FNDC3A: variants seen among roughly 807,000 people sequenced by gnomAD.
The protein encoded by FNDC3A is fibronectin type-III domain-containing protein 3A.
In FNDC3A, 32 loss-of-function variants were observed where a neutral mutation model predicts 148.9. That is an observed-to-expected ratio of 0.21 (90% CI 0.16 to 0.29). The LOEUF (loss-of-function observed/expected upper bound fraction) is 0.29, where lower values mean the gene tolerates loss of function less well. Among genes scored for constraint, FNDC3A ranks in the 10% least tolerant of loss-of-function variants. The pLI is 1.00. For missense variants in FNDC3A, 1,191 were observed against 1,452.8 expected (o/e 0.82, Z 2.93); for synonymous variants, 472 against 473.6 (o/e 1.00, Z 0.04).
At chr13:49,105,233 G>A (rs1013068179) in intron 3 of FNDC3A, among the ~76,000 whole-genome samples, 12 of 152,192 alleles carry the variant, frequency 7.9e-5, no homozygotes, top group Admixed American at 6.5e-5. Flanking sequence ...TCTTATACAT[G>A]CCTGGCTGGT....
intron 23 of FNDC3A, among the ~76,000 whole-genome samples, chr13:49,200,255 C>A (rs983061059): frequency 6.6e-6 from 1 of 152,106 alleles, no homozygotes; most frequent in African/African-American, 2.4e-5. Flanking sequence ...TTGTACATAA[C>A]CACTCTCTAT....
At chr13:49,094,307 T>G (rs557878332) in intron 3 of FNDC3A, among the ~76,000 whole-genome samples, 1 of 152,234 alleles carries the variant, frequency 6.6e-6, no homozygotes, top group South Asian at 2.1e-4. Context: ...CCTTTCTGAT[T>G]AACTGAAAAC....
At chr13:49,172,888 T>G (rs1884835509) in intron 11 of FNDC3A, among the ~76,000 whole-genome samples, 2 of 152,210 alleles carry the variant, frequency 1.3e-5, no homozygotes, top group Admixed American at 1.3e-4. Flanking sequence ...GTCTTTTGGC[T>G]TCCTTGGGCC....
intron 2 of FNDC3A, among the ~76,000 whole-genome samples, chr13:49,048,905 G>A (rs761959449): frequency 2.0e-5 from 3 of 152,078 alleles, no homozygotes; most frequent in Non-Finnish European, 2.9e-5. Flanking sequence ...GTTCTCAGGG[G>A]GAATGCTTTC....
chr13:49,001,097 T>A (rs1952116634), intron 1 of FNDC3A, among the ~76,000 whole-genome samples: 1 of 152,132 alleles, frequency 6.6e-6, no homozygotes, highest in African/African-American at 2.4e-5. Flanking sequence ...GGACCCCGAA[T>A]GGAGGGATCA....
intron 1 of FNDC3A, among the ~76,000 whole-genome samples, chr13:48,998,541 G>A (rs1242808878): frequency 1.3e-5 from 2 of 152,136 alleles, no homozygotes; most frequent in African/African-American, 4.8e-5. Flanking sequence ...ATTTCATTAT[G>A]AGTAAGCAAA....
chr13:49,074,889 C>A (rs3012131), intron 2 of FNDC3A, among the ~76,000 whole-genome samples: 151,624 of 152,294 alleles, frequency 1, 75,484 homozygotes, highest in Middle Eastern at 1. Flanking sequence ...AATATAACTT[C>A]AGATGTCATA....
At chr13:49,037,623 C>T (rs900322676) in intron 2 of FNDC3A, among the ~76,000 whole-genome samples, 1 of 152,214 alleles carries the variant, frequency 6.6e-6, no homozygotes, top group Non-Finnish European at 1.5e-5. Flanking sequence ...CCTTCAGTAT[C>T]TTCAGTACCT....
chr13:49,043,067 C>T (rs889788385), intron 2 of FNDC3A, among the ~76,000 whole-genome samples: 3 of 151,860 alleles, frequency 2.0e-5, no homozygotes, highest in East Asian at 3.9e-4. Flanking sequence ...AGAATCCTCC[C>T]ACCTCAGCCT....
chr13:49,196,795 A>C (rs1886177736), intron 19 of FNDC3A, 82 bp from the exon 20 acceptor site: 2 of 643,570 alleles, frequency 3.1e-6, no homozygotes, highest in South Asian at 4.8e-5. Context: ...TTTATTAATG[A>C]ATCTTTAAAT....
At chr13:49,152,103 T>A (rs1424453900) in intron 8 of FNDC3A, among the ~76,000 whole-genome samples, 3 of 152,192 alleles carry the variant, frequency 2.0e-5, no homozygotes, top group Non-Finnish European at 4.4e-5. Context: ...GTATTGGGCT[T>A]GCTGGGTGAA....
intron 1 of FNDC3A, among the ~76,000 whole-genome samples, chr13:48,999,093 G>T (rs892683160): frequency 6.6e-6 from 1 of 152,184 alleles, no homozygotes; most frequent in Non-Finnish European, 1.5e-5. Context: ...CCCCGCAGCA[G>T]AGCCTCATGG....
At chr13:48,990,193 AC>A (rs1951886571) in intron 1 of FNDC3A, among the ~76,000 whole-genome samples, 1 of 152,130 alleles carries the variant, frequency 6.6e-6, no homozygotes, top group Admixed American at 6.6e-5. Flanking sequence ...TCAACCTGGG[AC>A]TTTTTACCCA....
chr13:49,194,547 T>G (rs551495726), intron 19 of FNDC3A, among the ~76,000 whole-genome samples: 19 of 152,330 alleles, frequency 1.2e-4, no homozygotes, highest in African/African-American at 4.1e-4. Flanking sequence ...TTGTTTGTTT[T>G]TTTTCATTGC....
chr13:49,037,162 T>C (rs1222353451), intron 2 of FNDC3A, among the ~76,000 whole-genome samples: 2 of 152,238 alleles, frequency 1.3e-5, no homozygotes, highest in South Asian at 4.1e-4. Context: ...TCTATATTGA[T>C]AAAAAATAAT....
intron 1 of FNDC3A, among the ~76,000 whole-genome samples, chr13:48,981,259 G>C (rs1308322267): frequency 1.3e-5 from 2 of 152,062 alleles, no homozygotes; most frequent in Non-Finnish European, 2.9e-5. Flanking sequence ...TGACTCAAAA[G>C]TCTAGTTCTT....
In FNDC3A at chr13:49,165,591, C is replaced by G. The variant is rs1593693250; in HGVS notation, c.978-1653C>G. On this transcript the variant is annotated intron_variant, in intron 8 of 25. Transcript: ENST00000492622. ...GCCCAAGCCTACCTGTCCTTGGGCC[C>G]CCAGGTGTTGTACATGAGTACCAGT... Among the ~76,000 whole-genome samples the G allele has an allele frequency of 2.6e-5, 4 of 152,106 alleles. No individual in the cohort carries two copies. In the South Asian group the frequency reaches 8.3e-4, roughly 32 times the overall value.
At chr13:49,144,277 T>G (rs1882868608) in intron 7 of FNDC3A, among the ~76,000 whole-genome samples, 1 of 152,140 alleles carries the variant, frequency 6.6e-6, no homozygotes, top group Non-Finnish European at 1.5e-5. Context: ...TTAAGTTCAT[T>G]GTAAATGAAA....
intron 2 of FNDC3A, among the ~76,000 whole-genome samples, chr13:49,007,540 G>T (rs1328767820): frequency 6.6e-6 from 1 of 152,140 alleles, no homozygotes; most frequent in Non-Finnish European, 1.5e-5. Flanking sequence ...ATGTATAAAA[G>T]AATCTATTAA....
Sources: gnomAD v4.1 joint callset for allele counts (sites outside exome capture counted in the v4.1 genomes callset) on GRCh38, gnomAD v4.1.1 for gene constraint, MANE v1.5 for transcripts, NCBI Gene and HGNC (gene_info 2026-07-23, HGNC 2026-07-21) for gene names.